Variants in ROBO1 observed in about 807,000 individuals in gnomAD.
The protein encoded by ROBO1 is roundabout homolog 1.
A neutral mutation model predicts 195.9 loss-of-function variants in ROBO1; 149 were observed. The observed-to-expected ratio is 0.76, with a 90% confidence interval of 0.67 to 0.87. The LOEUF (loss-of-function observed/expected upper bound fraction) is 0.87. ROBO1 is among the 40% of genes least tolerant of loss of function. The pLI is 0.00. For synonymous variants in ROBO1, 816 were observed against 733.2 expected (o/e 1.11, Z -1.82); for missense variants, 1,933 against 2,068.3 (o/e 0.93, Z 1.27).
At chr3:79,271,651 T>C (rs2030568486) in intron 2 of ROBO1, among the ~76,000 whole-genome samples, 1 of 151,994 alleles carries the variant, frequency 6.6e-6, no homozygotes, top group Non-Finnish European at 1.5e-5. Flanking sequence ...TGAAAATTAA[T>C]CTCTTCCTCC....
At chr3:78,627,946 A>G (rs6548591) in intron 25 of ROBO1, among the ~76,000 whole-genome samples, 78,611 of 148,656 alleles carry the variant, frequency 0.53, 21,216 homozygotes, top group East Asian at 0.7. Flanking sequence ...ATTTAGAGAA[A>G]AATTACTCTT....
chr3:78,809,124 T>A (rs1470791726), intron 4 of ROBO1, among the ~76,000 whole-genome samples: 1 of 151,390 alleles, frequency 6.6e-6, no homozygotes, highest in Non-Finnish European at 1.5e-5. Flanking sequence ...ATATCCAGAA[T>A]CTATAAAGAA....
chr3:79,716,752 A>T (rs947138118), intron 1 of ROBO1, among the ~76,000 whole-genome samples: 2 of 152,014 alleles, frequency 1.3e-5, no homozygotes. Context: ...TAAACCACAA[A>T]TAATTTAATA....
intron 3 of ROBO1, among the ~76,000 whole-genome samples, chr3:78,971,112 C>T (rs774386820): frequency 2.0e-5 from 3 of 152,100 alleles, no homozygotes. Flanking sequence ...GTCCAGGGGC[C>T]AGCTGTGGGT....
At chr3:79,136,651 C>G (rs946792886) in intron 2 of ROBO1, among the ~76,000 whole-genome samples, 1 of 152,062 alleles carries the variant, frequency 6.6e-6, no homozygotes, top group African/African-American at 2.4e-5. Context: ...ATACAAGAAA[C>G]CCCTATATTT....
intron 2 of ROBO1, among the ~76,000 whole-genome samples, chr3:79,159,568 A>C (rs955190644): frequency 6.6e-6 from 1 of 151,988 alleles, no homozygotes; most frequent in Non-Finnish European, 1.5e-5. Flanking sequence ...GAGAGCAACC[A>C]TTTGATGTTT....
chr3:78,898,385 T>TG (rs1559976747), intron 4 of ROBO1, among the ~76,000 whole-genome samples: 12 of 134,132 alleles, frequency 8.9e-5, no homozygotes, highest in African/African-American at 3.4e-4. Flanking sequence ...ATAGGGTTTT[T>TG]TTTTTTTTTT....
Position 79,321,183 on chromosome 3 carries a change from CT to C in ROBO1, c.89-195645del, listed in dbSNP as rs1015239679. On this transcript the variant is annotated intron_variant, in intron 2 of 30. Coordinates refer to ENST00000464233, the MANE Select transcript of ROBO1 (RefSeq NM_002941.4). ...TTAAGTGGGCACTGAATAAATGCAG[CT>C]TTTTTTTTTCTTGAGTTCAGATGTG... Among the ~76,000 whole-genome samples, 8 of 148,568 alleles carry C rather than the reference CT, an allele frequency of 5.4e-5. No individual in the cohort carries two copies. The East Asian group carries it at 9.8e-4, about 18-fold the overall frequency.
At chr3:78,772,118 C>T (rs2083391223) in intron 4 of ROBO1, among the ~76,000 whole-genome samples, 1 of 151,870 alleles carries the variant, frequency 6.6e-6, no homozygotes, top group Non-Finnish European at 1.5e-5. Flanking sequence ...AATACCAGTG[C>T]CTAATATGAC....
intron 1 of ROBO1, among the ~76,000 whole-genome samples, chr3:79,607,159 A>G (rs1944514649): frequency 6.6e-6 from 1 of 151,016 alleles, no homozygotes; most frequent in Non-Finnish European, 1.5e-5. Flanking sequence ...ATGGCCTTAC[A>G]TACTAAGAAC....
chr3:79,421,574 A>G (rs1229290074), intron 2 of ROBO1, among the ~76,000 whole-genome samples: 1 of 152,112 alleles, frequency 6.6e-6, no homozygotes, highest in African/African-American at 2.4e-5. Flanking sequence ...AACCCAAATC[A>G]TAGCAGCAGT....
At chr3:78,614,452 G>A (rs1703985804) in intron 28 of ROBO1, among the ~76,000 whole-genome samples, 196 bp downstream of exon 28, 1 of 152,078 alleles carries the variant, frequency 6.6e-6, no homozygotes, top group South Asian at 2.1e-4. Context: ...TAAATAACAA[G>A]CTTATCAGAA....
chr3:78,919,966 A>C (rs1384260161), intron 4 of ROBO1, among the ~76,000 whole-genome samples: 2 of 152,226 alleles, frequency 1.3e-5, no homozygotes, highest in African/African-American at 2.4e-5. Context: ...GCAGGGTGAA[A>C]ATGTAATAGT....
In ROBO1 at chr3:79,305,819, T is replaced by A. The variant is rs544536755; in HGVS notation, c.89-180280A>T. On this transcript the variant is annotated intron_variant, in intron 2 of 30. Transcript: ENST00000464233. The stretch of plus-strand genomic sequence containing the variant: ...TGTATGAGAACAACACTCAAACTTG[T>A]GGAAAGAACATTGTTCACTATTGGA... 2.6e-5 allele frequency among the ~76,000 whole-genome samples: 4 copies of A among 152,248 alleles called. No individual in the cohort carries two copies. In the South Asian group the frequency reaches 8.3e-4, roughly 32 times the overall value.
Position 78,617,616 on chromosome 3 carries a change from G to A in ROBO1, c.4282+19C>T. ...ATTGAGTTTTCTTTCCCAGCTTGGT[G>A]AAAAGTGTTAGGACTCACCAGCAGC... is the stretch of plus-strand genomic sequence containing the variant. On this transcript the variant is annotated intron_variant, in intron 27 of 30. Transcript: ENST00000464233. 3 of 1,575,192 alleles carry A rather than the reference G, an allele frequency of 1.9e-6. No homozygotes were observed. The highest frequency in any genetic ancestry group is 1.7e-6 in the Non-Finnish European group (2 of 1,160,586).
At chr3:78,823,797 G>C (rs977651690) in intron 4 of ROBO1, among the ~76,000 whole-genome samples, 6 of 152,040 alleles carry the variant, frequency 3.9e-5, no homozygotes, top group African/African-American at 1.4e-4. Context: ...TCTTTTCCCT[G>C]ATTACCAAAT....
chr3:79,612,806 T>C lies in ROBO1; in HGVS notation c.-50-22845A>G, dbSNP rs1441077468. Among the ~76,000 whole-genome samples, 5 of 151,680 alleles carry C rather than the reference T, an allele frequency of 3.3e-5. No individual in the cohort carries two copies. The East Asian group carries it at 5.9e-4, about 18-fold the overall frequency. On this transcript the variant is annotated intron_variant, in intron 1 of 30. Coordinates refer to ENST00000464233, the MANE Select transcript of ROBO1 (RefSeq NM_002941.4). ...TGATGATGAGCATTTTTTCATGTGT[T>C]TTTTGGCTGCATAAATGTCTTCTTT... is the stretch of plus-strand genomic sequence containing the variant.
At chr3:78,639,670 A>G in intron 22 of ROBO1, 74 bp downstream of exon 22, 1 of 1,371,176 alleles carries the variant, frequency 7.3e-7, no homozygotes, top group South Asian at 1.5e-5. Context: ...CCATGTAGGG[A>G]GAGGGAAAGA....
chr3:78,832,692 G>A (rs2032337272), intron 4 of ROBO1, among the ~76,000 whole-genome samples: 2 of 152,188 alleles, frequency 1.3e-5, no homozygotes, highest in South Asian at 2.1e-4. Flanking sequence ...AAGCAGCGAA[G>A]AGTGATATCT....
Sources: gnomAD v4.1 joint callset for allele counts (sites outside exome capture counted in the v4.1 genomes callset) on GRCh38, gnomAD v4.1.1 for gene constraint, MANE v1.5 for transcripts, NCBI Gene and HGNC (gene_info 2026-07-23, HGNC 2026-07-21) for gene names.